PDGFD: variants seen among roughly 807,000 people sequenced by gnomAD.
PDGFD encodes platelet derived growth factor D, also known as platelet-derived growth factor D.
Under a neutral mutation model 44.7 loss-of-function variants are expected in PDGFD, and 30 were observed. The ratio of observed to expected loss-of-function variants is 0.67; its 90% confidence interval spans 0.50 to 0.91. The LOEUF (loss-of-function observed/expected upper bound fraction) is 0.91. PDGFD is among the 40% of genes least tolerant of loss of function. PDGFD has a pLI of 0.00. For missense variants in PDGFD, 445 were observed against 457.8 expected, an observed-to-expected ratio of 0.97 and a Z score of 0.25; for synonymous variants, 173 against 168.4, an observed-to-expected ratio of 1.03 and a Z score of -0.21.
chr11:104,065,895 T>C (rs2134417380), intron 1 of PDGFD, among the ~76,000 whole-genome samples: 1 of 152,308 alleles, frequency 6.6e-6, no homozygotes, highest in Middle Eastern at 3.4e-3. Flanking sequence ...AAAATACTGA[T>C]GGCATGAGGA....
At chr11:104,037,280 A>G in intron 1 of PDGFD, 3 of 1,613,212 alleles carry the variant, frequency 1.9e-6, no homozygotes, top group Non-Finnish European at 2.5e-6. Flanking sequence ...CTGCTCTCCA[A>G]CCCCCACGAT....
intron 3 of PDGFD, among the ~76,000 whole-genome samples, chr11:103,970,037 G>T (rs955623983): frequency 1.3e-5 from 2 of 151,842 alleles, no homozygotes; most frequent in Non-Finnish European, 2.9e-5. Flanking sequence ...TTTAAGAGAG[G>T]GGTTAAATTA....
chr11:103,925,207 A>T (rs1223934071), intron 6 of PDGFD, among the ~76,000 whole-genome samples: 2 of 152,114 alleles, frequency 1.3e-5, no homozygotes, highest in Non-Finnish European at 2.9e-5. Flanking sequence ...TCTATCACTG[A>T]TGGGCATTTG....
chr11:104,141,263 C>CA (rs1182446522), intron 1 of PDGFD, among the ~76,000 whole-genome samples: 1 of 152,028 alleles, frequency 6.6e-6, no homozygotes, highest in Non-Finnish European at 1.5e-5. Context: ...CCATACTCCA[C>CA]AAAAAAAGAT....
At chr11:103,985,946 T>C (rs1264207322) in intron 3 of PDGFD, among the ~76,000 whole-genome samples, 2 of 152,172 alleles carry the variant, frequency 1.3e-5, no homozygotes, top group Admixed American at 1.3e-4. Context: ...TTTATTCATG[T>C]ATCTCTCTTT....
At chr11:104,135,770 T>A (rs898346188) in intron 1 of PDGFD, among the ~76,000 whole-genome samples, 11 of 152,022 alleles carry the variant, frequency 7.2e-5, no homozygotes, top group African/African-American at 2.4e-4. Flanking sequence ...CTGGGATGGG[T>A]TTGGTCCTGC....
Position 104,042,454 on chromosome 11 carries a change from C to T in PDGFD, c.125-42199G>A, listed in dbSNP as rs183994979. Among the ~76,000 whole-genome samples the T allele has an allele frequency of 1.4e-4, 22 of 152,216 alleles. No individual in the cohort carries two copies. The East Asian group carries it at 4.2e-3, about 29-fold the overall frequency. On this transcript the variant is annotated intron_variant, in intron 1 of 6. Coordinates refer to ENST00000393158, the MANE Select transcript of PDGFD (RefSeq NM_025208.5). ...TAACAGGCTGTTGAGATGGGTGTACCTGGAGTGGCTTTGTCTCTTACTACA... is the reference window on the plus strand; with the variant it reads ...TAACAGGCTGTTGAGATGGGTGTACTTGGAGTGGCTTTGTCTCTTACTACA...
At chr11:104,016,619 A>G (rs1441473490) in intron 1 of PDGFD, among the ~76,000 whole-genome samples, 3 of 152,240 alleles carry the variant, frequency 2.0e-5, no homozygotes. Context: ...AACAATGAGC[A>G]GTAATTAGCA....
chr11:103,921,485 T>C (rs117289970), intron 6 of PDGFD, among the ~76,000 whole-genome samples: 1,610 of 152,272 alleles, frequency 0.011, 19 homozygotes, highest in South Asian at 0.019. Flanking sequence ...TCATATTTCA[T>C]GTATAAATAC....
chr11:103,977,394 G>T (rs1859200454), intron 3 of PDGFD, among the ~76,000 whole-genome samples: 1 of 152,050 alleles, frequency 6.6e-6, no homozygotes, highest in Non-Finnish European at 1.5e-5. Context: ...AATAAAAAAA[G>T]AAAATTTCAG....
At chr11:103,991,774 C>T (rs1859456978) in intron 3 of PDGFD, among the ~76,000 whole-genome samples, 1 of 152,048 alleles carries the variant, frequency 6.6e-6, no homozygotes, top group Non-Finnish European at 1.5e-5. Flanking sequence ...TTAATAAGTT[C>T]CAGGCAAAGT....
intron 1 of PDGFD, among the ~76,000 whole-genome samples, chr11:104,022,025 T>A (rs540960807): frequency 2.6e-5 from 4 of 152,186 alleles, no homozygotes; most frequent in Non-Finnish European, 5.9e-5. Context: ...CTACCCCAGT[T>A]AATGTAGCAA....
rs79468676 is a variant in PDGFD at position 104,139,264 on chromosome 11, G to A, written c.124+24540C>T. Among the ~76,000 whole-genome samples the A allele has an allele frequency of 6.8e-3, 1,032 of 152,186 alleles. 14 individuals are homozygous for A. The highest frequency in any genetic ancestry group is 0.023 in the African/African-American group (972 of 41,506). ...GTAGAACAACTGATTCCTAATGCAG[G>A]AATCTGATGCTTCACACTGCATCCT... On this transcript the variant is annotated intron_variant, in intron 1 of 6. Transcript: ENST00000393158.
intron 1 of PDGFD, among the ~76,000 whole-genome samples, chr11:104,040,796 TTCTA>T (rs1480437025): frequency 6.6e-6 from 1 of 151,994 alleles, no homozygotes; most frequent in African/African-American, 2.4e-5. Context: ...AGATATGTAT[TTCTA>T]TCTCTCTATA....
chr11:104,037,384 A>C (rs779830055), intron 1 of PDGFD: 1 of 1,614,122 alleles, frequency 6.2e-7, no homozygotes, highest in South Asian at 1.1e-5. Flanking sequence ...GGAGCAGCAA[A>C]GGGAAAAGGC....
chr11:104,007,695 C>G (rs1464695017), intron 1 of PDGFD, among the ~76,000 whole-genome samples: 1 of 152,130 alleles, frequency 6.6e-6, no homozygotes, highest in African/African-American at 2.4e-5. Context: ...TCCAAACTTA[C>G]AAAAAGATCT....
chr11:104,119,859 ATT>A (rs1491255895), intron 1 of PDGFD, among the ~76,000 whole-genome samples: 23 of 88,638 alleles, frequency 2.6e-4, no homozygotes, highest in African/African-American at 8.4e-4. Context: ...ATATAATTAT[ATT>A]ATATATATAA....
At chr11:104,091,452 T>C (rs1861211975) in intron 1 of PDGFD, among the ~76,000 whole-genome samples, 1 of 152,192 alleles carries the variant, frequency 6.6e-6, no homozygotes, top group South Asian at 2.1e-4. Context: ...CAGGAAACAC[T>C]TTACCCAATG....
At chr11:104,080,161 T>C (rs950333909) in intron 1 of PDGFD, among the ~76,000 whole-genome samples, 11 of 152,170 alleles carry the variant, frequency 7.2e-5, no homozygotes, top group African/African-American at 2.2e-4. Context: ...GTCTGAGTCA[T>C]TAAAATCTGT....
Sources: allele counts gnomAD v4.1 joint callset (sites outside exome capture counted in the v4.1 genomes callset), GRCh38; gene constraint gnomAD v4.1.1; transcripts MANE v1.5; gene names NCBI Gene and HGNC (gene_info 2026-07-23, HGNC 2026-07-21).